The following ZSWIM6 variants were observed in gnomAD, a reference collection of about 807,000 sequenced individuals.
ZSWIM6 encodes zinc finger SWIM domain-containing protein 6.
ZSWIM6 carries 9 observed loss-of-function variants against 113.2 expected under a neutral mutation model. That is an observed-to-expected ratio of 0.08 (90% confidence interval 0.05 to 0.14). The LOEUF (loss-of-function observed/expected upper bound fraction) is 0.14. ZSWIM6 is among the 10% of genes least tolerant of loss of function. The pLI is 1.00. For missense variants in ZSWIM6, 1,162 were observed against 1,552.2 expected (o/e 0.75, Z 4.22); for synonymous variants, 611 against 606.5 (o/e 1.01, Z -0.11).
intron 1 of ZSWIM6, among the ~76,000 whole-genome samples, chr5:61,389,887 G>A (rs1745668639): frequency 1.3e-5 from 2 of 152,202 alleles, no homozygotes; most frequent in South Asian, 2.1e-4. Context: ...AAGAGTGCAT[G>A]TAGTTTTTGA....
At chr5:61,369,070 T>C (rs1745214478) in intron 1 of ZSWIM6, among the ~76,000 whole-genome samples, 1 of 152,256 alleles carries the variant, frequency 6.6e-6, no homozygotes, top group Non-Finnish European at 1.5e-5. Context: ...ATGTCCTTTT[T>C]AAACTATAGA....
intron 1 of ZSWIM6, among the ~76,000 whole-genome samples, chr5:61,363,117 A>G (rs932564254): frequency 2.0e-5 from 3 of 152,202 alleles, no homozygotes; most frequent in African/African-American, 7.2e-5. Flanking sequence ...GCCAGCTTAC[A>G]TATTGGAGAC....
At chr5:61,335,728 C>A (rs771232221) in intron 1 of ZSWIM6, among the ~76,000 whole-genome samples, 1 of 152,108 alleles carries the variant, frequency 6.6e-6, no homozygotes, top group Non-Finnish European at 1.5e-5. Flanking sequence ...TAGGGAAAAT[C>A]TAGTTGTTGG....
chr5:61,414,641 A>G (rs1429310707), intron 1 of ZSWIM6, among the ~76,000 whole-genome samples: 1 of 152,166 alleles, frequency 6.6e-6, no homozygotes, highest in African/African-American at 2.4e-5. Flanking sequence ...CCTCTGTGGA[A>G]GGGGAAGTAT....
intron 1 of ZSWIM6, among the ~76,000 whole-genome samples, chr5:61,448,062 G>C (rs373718095): frequency 1.3e-5 from 2 of 152,262 alleles, no homozygotes; most frequent in South Asian, 4.1e-4. Flanking sequence ...CTTTCTGGGA[G>C]ACCTGATGGT....
chr5:61,443,858 T>G (rs1482883205), intron 1 of ZSWIM6, among the ~76,000 whole-genome samples: 2 of 152,284 alleles, frequency 1.3e-5, no homozygotes, highest in African/African-American at 4.8e-5. Flanking sequence ...ATTTTACCTT[T>G]GCATGGTACA....
chr5:61,453,639 G>A (rs1747136342), intron 1 of ZSWIM6, among the ~76,000 whole-genome samples: 1 of 151,914 alleles, frequency 6.6e-6, no homozygotes, highest in African/African-American at 2.4e-5. Flanking sequence ...ACCTCCCAAA[G>A]TGCTGGGATT....
At chr5:61,352,209 G>T (rs577350421) in intron 1 of ZSWIM6, among the ~76,000 whole-genome samples, 1 of 152,242 alleles carries the variant, frequency 6.6e-6, no homozygotes, top group African/African-American at 2.4e-5. Context: ...TGTCATCTTG[G>T]CTCAGAGAAA....
intron 1 of ZSWIM6, among the ~76,000 whole-genome samples, chr5:61,385,818 C>T (rs970552300): frequency 5.3e-5 from 8 of 152,172 alleles, no homozygotes; most frequent in African/African-American, 1.7e-4. Context: ...TCCACTGGCT[C>T]TCTTGTCTTT....
At chr5:61,520,885 G>A (rs1344239911) in intron 4 of ZSWIM6, among the ~76,000 whole-genome samples, 1 of 151,950 alleles carries the variant, frequency 6.6e-6, no homozygotes, top group Non-Finnish European at 1.5e-5. Context: ...TATGTTATTG[G>A]CATTTTTGTC....
Position 61,406,781 on chromosome 5 carries a change from C to T in ZSWIM6, c.677-65900C>T, listed in dbSNP as rs1050015173. ...AGGCTGGAGTGCAGTGACATGATCT[C>T]GGCTCTCTGCAGCCTCTGCCTCCCG... On this transcript the variant is annotated intron_variant, in intron 1 of 13. Transcript: ENST00000252744. Among the ~76,000 whole-genome samples the T allele has an allele frequency of 1.6e-4, 24 of 152,012 alleles. No individual in the cohort carries two copies. The South Asian group carries it at 4.6e-3, about 29-fold the overall frequency.
chr5:61,434,620 T>A (rs984190028), intron 1 of ZSWIM6, among the ~76,000 whole-genome samples: 2 of 152,198 alleles, frequency 1.3e-5, no homozygotes, highest in Admixed American at 6.5e-5. Context: ...ATACCATTAT[T>A]TCGTTTCTTT....
intron 1 of ZSWIM6, among the ~76,000 whole-genome samples, chr5:61,464,095 G>A (rs1214546980): frequency 2.7e-5 from 4 of 148,514 alleles, no homozygotes; most frequent in South Asian, 2.1e-4. Context: ...GGGTTCAAGC[G>A]ATTCTCCTGC....
At chr5:61,466,375 A>G (rs1747436445) in intron 1 of ZSWIM6, among the ~76,000 whole-genome samples, 1 of 152,186 alleles carries the variant, frequency 6.6e-6, no homozygotes, top group Non-Finnish European at 1.5e-5. Context: ...AAATTACAGA[A>G]AAACTCCTCA....
chr5:61,399,351 A>C (rs1471181665), intron 1 of ZSWIM6, among the ~76,000 whole-genome samples: 1 of 152,006 alleles, frequency 6.6e-6, no homozygotes, highest in Non-Finnish European at 1.5e-5. Context: ...TTCGTTGAGA[A>C]AATTACTAAC....
intron 1 of ZSWIM6, chr5:61,391,632 C>G: frequency 1.1e-6 from 1 of 940,884 alleles, no homozygotes; most frequent in Non-Finnish European, 1.8e-6. Flanking sequence ...TGGGTGGTAT[C>G]TCCACAATGG....
intron 1 of ZSWIM6, among the ~76,000 whole-genome samples, chr5:61,398,668 G>T (rs1028130219): frequency 6.6e-6 from 1 of 152,070 alleles, no homozygotes; most frequent in Non-Finnish European, 1.5e-5. Context: ...CTTAAAAAAT[G>T]CATAGCACAG....
intron 1 of ZSWIM6, among the ~76,000 whole-genome samples, chr5:61,387,548 C>A (rs993604848): frequency 6.6e-6 from 1 of 151,894 alleles, no homozygotes; most frequent in African/African-American, 2.4e-5. Context: ...CACCTGTGGT[C>A]CCAGTTACTT....
chr5:61,350,052 G>A (rs1744748388), intron 1 of ZSWIM6, among the ~76,000 whole-genome samples: 1 of 152,170 alleles, frequency 6.6e-6, no homozygotes, highest in South Asian at 2.1e-4. Context: ...GACTCAATTT[G>A]CATAACATGG....
Sources: gnomAD v4.1 joint callset for allele counts (sites outside exome capture counted in the v4.1 genomes callset) on GRCh38, gnomAD v4.1.1 for gene constraint, MANE v1.5 for transcripts, NCBI Gene and HGNC (gene_info 2026-07-23, HGNC 2026-07-21) for gene names.